The following EFCAB11 variants were observed in gnomAD, a reference collection of about 807,000 sequenced individuals.
EFCAB11 encodes EF-hand calcium-binding domain-containing protein 11.
Under a neutral mutation model 23.0 loss-of-function variants are expected in EFCAB11, and 14 were observed. That is an observed-to-expected ratio of 0.61 (90% CI 0.40 to 0.95). EFCAB11 has a LOEUF of 0.95. Among genes scored for constraint, EFCAB11 ranks in the 40% least tolerant of loss-of-function variants. The pLI, the probability that EFCAB11 is intolerant of heterozygous loss-of-function variation, is 0.00. For synonymous variants in EFCAB11, 65 were observed against 66.6 expected (o/e 0.98, Z 0.11); for missense variants, 198 against 195.8 (o/e 1.01, Z -0.07).
chr14:89,900,615 A>T (rs920470547), intron 5 of EFCAB11, among the ~76,000 whole-genome samples: 3 of 152,206 alleles, frequency 2.0e-5, no homozygotes, highest in Admixed American at 1.3e-4. Context: ...AGTGGGAAGG[A>T]TTGGCCATGC....
chr14:89,953,992 C>T lies in EFCAB11; in HGVS notation c.85G>A (p.Ala29Thr). ...TATCCTTTGTGATCTTCATCACATGCTTTAAATACCTGAAGAACATTAAAT... is the reference window on the plus strand; with the variant it reads ...TATCCTTTGTGATCTTCATCACATGTTTTAAATACCTGAAGAACATTAAAT... ...EHRKWVEVFK[A>T]CDEDHKGYLS... Residue 29 changes from alanine (A) to threonine (T), a missense_variant, in exon 2 of 6, where the codon GCA (alanine) becomes ACA (threonine). Transcript: ENST00000316738. The T allele has an allele frequency of 6.2e-7, 1 of 1,611,264 alleles. No individual in the cohort carries two copies. Among genetic ancestry groups the T allele is most frequent in the South Asian group, 1.1e-5 (1 of 90,770 alleles).
chr14:89,824,202 G>GA (rs1481339981), intron 5 of EFCAB11, among the ~76,000 whole-genome samples: 4 of 151,900 alleles, frequency 2.6e-5, no homozygotes, highest in South Asian at 2.1e-4. Flanking sequence ...CTTGTTCAGA[G>GA]AAAAAAATAT....
intron 3 of EFCAB11, among the ~76,000 whole-genome samples, chr14:89,948,224 C>T (rs1009426733): frequency 4.6e-4 from 70 of 152,222 alleles, no homozygotes; most frequent in Middle Eastern, 3.4e-3. Context: ...GGCAAACAGG[C>T]ATATGTGAAA....
At chr14:89,948,145 A>T (rs974954369) in intron 3 of EFCAB11, among the ~76,000 whole-genome samples, 1 of 152,178 alleles carries the variant, frequency 6.6e-6, no homozygotes, top group African/African-American at 2.4e-5. Flanking sequence ...AACAGTTTAA[A>T]ATTTCCCTGT....
chr14:89,883,220 T>C (rs1486827085), intron 5 of EFCAB11, among the ~76,000 whole-genome samples: 1 of 152,234 alleles, frequency 6.6e-6, no homozygotes, highest in Non-Finnish European at 1.5e-5. Flanking sequence ...ATAGTTATCT[T>C]AACATAATAA....
At chr14:89,845,231 G>A (rs1276229120) in intron 5 of EFCAB11, among the ~76,000 whole-genome samples, 1 of 152,094 alleles carries the variant, frequency 6.6e-6, no homozygotes, top group Non-Finnish European at 1.5e-5. Context: ...TGCATCATGA[G>A]TTCATCCAAG....
Position 89,954,604 on chromosome 14 carries a change from T to A in EFCAB11, c.57A>T (p.Glu19Asp). Residue 19 changes from glutamate to aspartate, a missense_variant, in exon 1 of 6, where the codon GAA (glutamate) becomes GAT (aspartate). By Grantham distance (45) the Glu-to-Asp change is conservative. Coordinates refer to ENST00000316738, the MANE Select transcript of EFCAB11 (RefSeq NM_145231.4). ...RSRTWEASPS[E>D]HRKWVEVFKA... ...AACCTACTTCCACCCACTTCCTGTG[T>A]TCCGAGGGACTGGCTTCCCACGTCC... is the stretch of plus-strand genomic sequence containing the variant. 1 of 1,613,842 alleles carries A rather than the reference T, an allele frequency of 6.2e-7. No homozygotes were observed. The highest frequency in any genetic ancestry group is 8.5e-7 in the Non-Finnish European group (1 of 1,179,972).
intron 5 of EFCAB11, among the ~76,000 whole-genome samples, chr14:89,806,521 G>C (rs1431056853): frequency 6.6e-6 from 1 of 152,144 alleles, no homozygotes; most frequent in Non-Finnish European, 1.5e-5. Context: ...AAGTACAAAA[G>C]TCAAAGTGAA....
chr14:89,809,335 A>C (rs1886075481), intron 5 of EFCAB11, among the ~76,000 whole-genome samples: 2 of 152,186 alleles, frequency 1.3e-5, no homozygotes, highest in African/African-American at 4.8e-5. Flanking sequence ...CCTTGGGAAG[A>C]AACTGCTCTC....
At chr14:89,898,490 G>A (rs1194627557) in intron 5 of EFCAB11, among the ~76,000 whole-genome samples, 1 of 151,902 alleles carries the variant, frequency 6.6e-6, no homozygotes, top group Non-Finnish European at 1.5e-5. Context: ...TCACCCTCCT[G>A]AGTGGCTGGA....
chr14:89,892,889 G>A (rs1204278427), intron 5 of EFCAB11, among the ~76,000 whole-genome samples: 1 of 151,970 alleles, frequency 6.6e-6, no homozygotes, highest in Non-Finnish European at 1.5e-5. Context: ...GCAACAGAGT[G>A]AGACTCTGTT....
chr14:89,841,316 G>A (rs1887257589), intron 5 of EFCAB11, among the ~76,000 whole-genome samples: 1 of 151,698 alleles, frequency 6.6e-6, no homozygotes, highest in South Asian at 2.1e-4. Flanking sequence ...TCTCTCTTAT[G>A]TCTTCAGCTT....
rs1477374466 is a variant in EFCAB11, at chr14:89,954,569, G to A, written c.75+17C>T. 1.9e-6 allele frequency: 3 copies of A among 1,612,720 alleles called. No homozygotes were observed. Among genetic ancestry groups the A allele is most frequent in the African/African-American group, 1.3e-5 (1 of 74,848 alleles). On this transcript the variant is annotated intron_variant, in intron 1 of 5. Transcript: ENST00000316738. ...CCAAGCTGAAGTCCGAGGCTCAGTC[G>A]CCCTCCGGAAACCTACTTCCACCCA... is the stretch of plus-strand genomic sequence containing the variant.
At chr14:89,854,196 C>CA (rs11323871) in intron 5 of EFCAB11, among the ~76,000 whole-genome samples, 5,766 of 129,616 alleles carry the variant, frequency 0.044, 123 homozygotes, top group Middle Eastern at 0.081. Context: ...GGTTGTCTCT[C>CA]AAAAAAAAAA....
intron 3 of EFCAB11, among the ~76,000 whole-genome samples, chr14:89,942,607 C>T (rs1012216964): frequency 7.2e-5 from 11 of 152,164 alleles, no homozygotes; most frequent in Non-Finnish European, 1.5e-4. Flanking sequence ...TCAGAACCAA[C>T]CTCAACTGTG....
chr14:89,827,770 A>T (rs992930577), intron 5 of EFCAB11, among the ~76,000 whole-genome samples: 1 of 150,636 alleles, frequency 6.6e-6, no homozygotes, highest in Non-Finnish European at 1.5e-5. Context: ...AGTAGCTGGG[A>T]TTACAGGCAT....
chr14:89,919,393 G>A (rs573031256), intron 5 of EFCAB11, among the ~76,000 whole-genome samples: 4 of 152,314 alleles, frequency 2.6e-5, no homozygotes, highest in South Asian at 2.1e-4. Flanking sequence ...AAGGGCGGGG[G>A]CCTTGGACAG....
chr14:89,927,135 A>C (rs1284521775), intron 5 of EFCAB11, among the ~76,000 whole-genome samples: 2 of 152,214 alleles, frequency 1.3e-5, no homozygotes, highest in Non-Finnish European at 2.9e-5. Context: ...TTAAATTATA[A>C]AGTGAAATGA....
chr14:89,808,110 TC>T (rs1237014092), intron 5 of EFCAB11, among the ~76,000 whole-genome samples: 3 of 152,170 alleles, frequency 2.0e-5, no homozygotes, highest in Non-Finnish European at 2.9e-5. Context: ...TTCCCTCTCT[TC>T]CGGGGAACAC....
Sources: gnomAD v4.1 joint callset for allele counts (sites outside exome capture counted in the v4.1 genomes callset) on GRCh38, gnomAD v4.1.1 for gene constraint, MANE v1.5 for transcripts, NCBI Gene and HGNC (gene_info 2026-07-23, HGNC 2026-07-21) for gene names.